The following PDE4A variants were observed in gnomAD, a reference collection of about 807,000 sequenced individuals.
The protein encoded by PDE4A is phosphodiesterase 4A.
Under a neutral mutation model 73.9 loss-of-function variants are expected in PDE4A, and 21 were observed. The observed-to-expected ratio is 0.28, with a 90% CI of 0.20 to 0.41. The LOEUF is 0.41. PDE4A is among the 10% of genes least tolerant of loss of function. The pLI is 1.00. For missense variants in PDE4A, 958 were observed against 1,211.4 expected, an observed-to-expected ratio of 0.79 and a Z score of 3.10; for synonymous variants, 463 against 505.4, an observed-to-expected ratio of 0.92 and a Z score of 1.13.
intron 1 of PDE4A, 130 bp from the exon 2 acceptor site, chr19:10,446,088 C>G: frequency 7.2e-7 from 1 of 1,391,766 alleles, no homozygotes; most frequent in Admixed American, 2.8e-5. Flanking sequence ...TTCACCCCCA[C>G]TTGGCCTCCC....
At chr19:10,450,979 G>T in intron 6 of PDE4A, 38 bp downstream of exon 6, 1 of 1,545,962 alleles carries the variant, frequency 6.5e-7, no homozygotes. Flanking sequence ...GGCGGGGCAG[G>T]CGGGGGCGGG....
intron 4 of PDE4A, among the ~76,000 whole-genome samples, chr19:10,449,433 C>T (rs995026905): frequency 1.8e-4 from 28 of 152,152 alleles, no homozygotes; most frequent in Admixed American, 1.6e-3. Flanking sequence ...GATCTTGGCT[C>T]ACTGCAACCT....
At chr19:10,444,133 C>T (rs1400716378) in intron 1 of PDE4A, among the ~76,000 whole-genome samples, 1 of 152,052 alleles carries the variant, frequency 6.6e-6, no homozygotes, top group African/African-American at 2.4e-5. Flanking sequence ...GTAATCACAG[C>T]ACTTTGGGAG....
In PDE4A at chr19:10,420,955, C is replaced by A; in HGVS notation, c.191C>A (p.Pro64His). 1.9e-6 allele frequency: 3 copies of A among 1,558,574 alleles called. No homozygotes were observed. The highest frequency in any genetic ancestry group is 2.6e-6 in the Non-Finnish European group (3 of 1,161,326). Residue 64 changes from proline to histidine, a missense_variant, in exon 1 of 15, where the codon CCC (proline) becomes CAC (histidine). Physicochemically the swap from Pro to His is moderately conservative, Grantham distance 77 (BLOSUM62 -2). Transcript: ENST00000380702. The surrounding 1 kb of genome is among the most constrained non-coding windows in gnomAD (Gnocchi z 6.0). The part of the protein sequence containing the change: ...RAERERQPHR[P>H]IERADAMDTS... ...GAGCGGGAGCGGCAGCCGCACCGGC[C>A]CATAGAGCGCGCCGATGCCATGGAC...
At chr19:10,449,242 A>C in intron 4 of PDE4A, 92 bp downstream of exon 4, 1 of 1,389,324 alleles carries the variant, frequency 7.2e-7, no homozygotes, top group Non-Finnish European at 1.0e-6. Flanking sequence ...TCTGGCAGGC[A>C]GGTGACCTCT....
At chr19:10,466,338 G>T (rs1331836943) in intron 14 of PDE4A, among the ~76,000 whole-genome samples, 1 of 147,898 alleles carries the variant, frequency 6.8e-6, no homozygotes, top group Non-Finnish European at 1.5e-5. Flanking sequence ...CCAGCTACTC[G>T]GGAGGCTGAG....
At chr19:10,448,073 T>C (rs1030088297) in intron 2 of PDE4A, among the ~76,000 whole-genome samples, 6 of 151,974 alleles carry the variant, frequency 3.9e-5, no homozygotes, top group East Asian at 1.9e-4. Context: ...CTGGCCAACA[T>C]AGCAAGACTT....
At chr19:10,447,217 C>CTTT (rs34169084) in intron 2 of PDE4A, among the ~76,000 whole-genome samples, 22 of 59,198 alleles carry the variant, frequency 3.7e-4, no homozygotes, top group Non-Finnish European at 5.2e-4. Flanking sequence ...CTTTTTTTCT[C>CTTT]TTTTTTTTTT....
chr19:10,464,834 C>T (rs181813366), intron 14 of PDE4A, among the ~76,000 whole-genome samples: 17 of 151,918 alleles, frequency 1.1e-4, no homozygotes, highest in South Asian at 2.1e-4. Flanking sequence ...CCTCCACCCC[C>T]GCCTCCAGAG....
Position 10,425,984 on chromosome 19 carries a change from CAAAAAAAAAAAAAAAAAA to C in PDE4A, c.320+4912_320+4929del, listed in dbSNP as rs1168197109. 1.6e-3 allele frequency among the ~76,000 whole-genome samples: 78 copies of C among 48,392 alleles called. 1 individual carries two copies. The highest frequency in any genetic ancestry group is 0.013 in the Middle Eastern group (1 of 76). 31.7% of individuals were successfully genotyped at this position (48,392 alleles called of 152,430 possible). On this transcript the variant is annotated intron_variant, in intron 1 of 14. Transcript: ENST00000380702. The stretch of plus-strand genomic sequence containing the variant: ...TCTGGGCGAGAGACTGAGACCCTGT[CAAAAAAAAAAAAAAAAAA>C]AAAAAAAAAAAGGAAGGAGGGAAGG...
At chr19:10,449,039 T>C (rs780906103) in intron 3 of PDE4A, 41 bp from the exon 4 acceptor site, 1 of 1,612,120 alleles carries the variant, frequency 6.2e-7, no homozygotes, top group South Asian at 1.1e-5. Context: ...CCGCTGCCTC[T>C]CTAGGGGAAC....
intron 1 of PDE4A, among the ~76,000 whole-genome samples, chr19:10,423,999 C>T (rs138903229): frequency 6.6e-6 from 1 of 152,210 alleles, no homozygotes; most frequent in Non-Finnish European, 1.5e-5. Flanking sequence ...AGGGCACATA[C>T]AGGATTCAGT....
intron 6 of PDE4A, among the ~76,000 whole-genome samples, chr19:10,454,357 A>C (rs1435825069): frequency 6.6e-6 from 1 of 152,188 alleles, no homozygotes; most frequent in Non-Finnish European, 1.5e-5. Flanking sequence ...ATGTCTGGGA[A>C]CACTTGGGTC....
chr19:10,426,557 A>T (rs377664880), intron 1 of PDE4A, among the ~76,000 whole-genome samples: 35 of 152,272 alleles, frequency 2.3e-4, no homozygotes, highest in East Asian at 1.9e-3. Flanking sequence ...AAATTGTCAG[A>T]CTAGAGGGTG....
chr19:10,461,074 G>C lies in PDE4A; in HGVS notation c.1436G>C (p.Gly479Ala). 4.3e-6 allele frequency: 7 copies of C among 1,613,432 alleles called. No homozygotes were observed. Among genetic ancestry groups the C allele is most frequent in the Non-Finnish European group, 5.9e-6 (7 of 1,179,532 alleles). The part of the protein sequence containing the change: ...AAAIHDVDHP[G>A]VSNQFLINTN... ...GCCATCCACGATGTGGATCACCCTG[G>C]GGTCTCCAACCAGTTCCTCATCAAC... Residue 479 changes from glycine (G) to alanine (A), a missense_variant, in exon 11 of 15, where the codon GGG becomes GCG. Gly to Ala is a moderately conservative substitution (Grantham distance 60). This residue lies in a region of PDE4A where 570 missense variants were observed against 827.7 expected (regional missense o/e 0.69). Coordinates refer to ENST00000380702, the MANE Select transcript of PDE4A (RefSeq NM_001111307.2).
upstream of PDE4A, chr19:10,420,057 C>T (rs1259830915): frequency 6.6e-6 from 1 of 152,440 alleles, no homozygotes; most frequent in Non-Finnish European, 1.5e-5. This position sits in a 1 kb window ranked among gnomAD's most constrained non-coding sequence, Gnocchi z 6.0. Flanking sequence ...CATCACTATC[C>T]TCCGACGCAC....
intron 10 of PDE4A, among the ~76,000 whole-genome samples, chr19:10,460,057 A>T (rs1420139600): frequency 6.6e-6 from 1 of 151,772 alleles, no homozygotes; most frequent in East Asian, 2.0e-4. Context: ...AGTTTTTATA[A>T]TATTTTTAGT....
chr19:10,424,596 C>T lies in PDE4A; in HGVS notation c.320+3512C>T, dbSNP rs2042691396. Among the ~76,000 whole-genome samples the T allele has an allele frequency of 6.6e-6, 1 of 152,230 alleles. No individual in the cohort carries two copies. The highest frequency in any genetic ancestry group is 2.4e-5 in the African/African-American group (1 of 41,458). ...AAGTCGCCGCCACCGTCGCGGCGCCCGGTATTATTATTTTATGCTTATTGA... is the reference window on the plus strand; with the variant it reads ...AAGTCGCCGCCACCGTCGCGGCGCCTGGTATTATTATTTTATGCTTATTGA... On this transcript the variant is annotated intron_variant, in intron 1 of 14. Coordinates refer to ENST00000380702, the MANE Select transcript of PDE4A (RefSeq NM_001111307.2). This position sits in a 1 kb window ranked among gnomAD's most constrained non-coding sequence, Gnocchi z 4.8.
chr19:10,438,964 C>T (rs2042901170), intron 1 of PDE4A, among the ~76,000 whole-genome samples: 1 of 152,120 alleles, frequency 6.6e-6, no homozygotes, highest in African/African-American at 2.4e-5. Context: ...CTATTCCATT[C>T]AATGGATATA....
Sources: allele counts gnomAD v4.1 joint callset (sites outside exome capture counted in the v4.1 genomes callset), GRCh38; gene constraint gnomAD v4.1.1; regional missense constraint gnomAD v4.1.1; non-coding constraint Gnocchi (gnomAD v3.1); transcripts MANE v1.5; gene names NCBI Gene and HGNC (gene_info 2026-07-23, HGNC 2026-07-21).